The following HYCC2 variants were observed in gnomAD, a reference collection of about 807,000 sequenced individuals.
HYCC2 encodes the protein hyccin 2.
the HYCC2 span, chr2:201,016,869 G>A: frequency 3.2e-6 from 3 of 950,610 alleles, no homozygotes; most frequent in Non-Finnish European, 4.6e-6. Flanking sequence ...CAAAAATGCT[G>A]GGATTACAGG....
At chr2:201,011,284 CA>C in the HYCC2 span, 2 of 577,258 alleles carry the variant, frequency 3.5e-6, no homozygotes, top group Non-Finnish European at 5.8e-6. Context: ...TTTTAAGAAG[CA>C]AATCAGTAAA....
the HYCC2 span, among the ~76,000 whole-genome samples, chr2:201,041,462 G>A: frequency 9.2e-5 from 14 of 152,344 alleles, 1 homozygote; most frequent in South Asian, 2.5e-3. Flanking sequence ...TTCCAGCCTA[G>A]AATGCTGTCC....
the HYCC2 span, chr2:200,974,486 A>G: frequency 6.6e-6 from 1 of 152,032 alleles, no homozygotes; most frequent in African/African-American, 2.4e-5. Context: ...AAAAAGATTC[A>G]GTGTCAAGTA....
the HYCC2 span, chr2:201,021,713 A>C: frequency 4.8e-6 from 1 of 207,988 alleles, no homozygotes; most frequent in Non-Finnish European, 9.9e-6. Flanking sequence ...TAAAACAAAT[A>C]CATTTTAATA....
the HYCC2 span, among the ~76,000 whole-genome samples, chr2:201,038,826 A>G: frequency 1.3e-5 from 2 of 152,124 alleles, no homozygotes; most frequent in Non-Finnish European, 2.9e-5. Flanking sequence ...GTACACCAAC[A>G]TGGCACATGT....
chr2:201,022,006 G>A, the HYCC2 span: 1 of 1,108,702 alleles, frequency 9.0e-7, no homozygotes, highest in Non-Finnish European at 1.2e-6. Context: ...TTTAGTGGTA[G>A]GACAAAAATG....
chr2:200,999,347 A>AT, the HYCC2 span, among the ~76,000 whole-genome samples: 3 of 152,032 alleles, frequency 2.0e-5, no homozygotes, highest in Non-Finnish European at 2.9e-5. Context: ...TCAGCCATAT[A>AT]TTAACATGGT....
At chr2:200,998,052 A>C in the HYCC2 span, among the ~76,000 whole-genome samples, 1 of 152,126 alleles carries the variant, frequency 6.6e-6, no homozygotes, top group South Asian at 2.1e-4. Context: ...TCAATCAATC[A>C]ATCAATCATG....
the HYCC2 span, among the ~76,000 whole-genome samples, chr2:201,025,502 T>G: frequency 1.3e-5 from 2 of 151,048 alleles, no homozygotes; most frequent in Admixed American, 1.3e-4. Context: ...GACACAGAAG[T>G]ACAAAACAAA....
the HYCC2 span, among the ~76,000 whole-genome samples, chr2:201,036,242 C>T: frequency 6.6e-6 from 1 of 152,120 alleles, no homozygotes; most frequent in Admixed American, 6.5e-5. Context: ...GAAATTGAGG[C>T]AATAATTAAT....
At chr2:201,064,848 C>CA in the HYCC2 span, among the ~76,000 whole-genome samples, 9 of 151,734 alleles carry the variant, frequency 5.9e-5, no homozygotes, top group Admixed American at 1.3e-4. Context: ...CAGGAAGTTG[C>CA]AAAAAAAACT....
the HYCC2 span, chr2:200,992,301 G>C: frequency 6.2e-7 from 1 of 1,608,906 alleles, no homozygotes; most frequent in Non-Finnish European, 8.5e-7. Context: ...TGAGAAAAAA[G>C]CTCTAGCTGG....
chr2:201,054,110 G>A, the HYCC2 span, among the ~76,000 whole-genome samples: 4 of 152,220 alleles, frequency 2.6e-5, no homozygotes, highest in Admixed American at 1.3e-4. Flanking sequence ...GCAAAGGGAT[G>A]TGTACCCAGT....
the HYCC2 span, among the ~76,000 whole-genome samples, chr2:201,047,165 C>G: frequency 2.6e-5 from 4 of 151,996 alleles, no homozygotes; most frequent in African/African-American, 9.7e-5. Context: ...AAATTAAGAA[C>G]TCAATATAGA....
At chr2:201,063,119 G>A in the HYCC2 span, 13,942 of 1,610,070 alleles carry the variant, frequency 8.7e-3, 1,014 homozygotes, top group African/African-American at 0.16. Context: ...TAAAGAGCCC[G>A]AACAGCTGAG....
At chr2:200,993,896 G>A in the HYCC2 span, among the ~76,000 whole-genome samples, 2 of 151,822 alleles carry the variant, frequency 1.3e-5, no homozygotes, top group African/African-American at 4.8e-5. Flanking sequence ...CGTGAACCTG[G>A]GAAGTGGAGC....
chr2:200,983,151 T>G, the HYCC2 span, among the ~76,000 whole-genome samples: 1 of 152,254 alleles, frequency 6.6e-6, no homozygotes. Context: ...ATTCTCTTAC[T>G]GAAAGTATGA....
the HYCC2 span, chr2:200,974,342 T>A: frequency 6.6e-6 from 1 of 151,994 alleles, no homozygotes; most frequent in Admixed American, 6.5e-5. Flanking sequence ...GTAAAAATCC[T>A]TCAGAAATTA....
the HYCC2 span, among the ~76,000 whole-genome samples, chr2:201,068,139 T>C: frequency 1.3e-5 from 2 of 151,958 alleles, no homozygotes; most frequent in Middle Eastern, 3.4e-3. Context: ...AATGCAAAAT[T>C]AGCCGGGCGT....
Sources: allele counts gnomAD v4.1 joint callset (sites outside exome capture counted in the v4.1 genomes callset), GRCh38; gene constraint gnomAD v4.1.1; transcripts MANE v1.5; gene names NCBI Gene and HGNC (gene_info 2026-07-23, HGNC 2026-07-21).